Variants in NF1 observed in about 807,000 individuals in gnomAD.
NF1 encodes neurofibromin.
Under a neutral mutation model 325.7 loss-of-function variants are expected in NF1, and 122 were observed. The ratio of observed to expected loss-of-function variants is 0.37; its 90% confidence interval spans 0.32 to 0.44. NF1 has a LOEUF of 0.44. NF1 is among the 20% of genes least tolerant of loss of function. The pLI, the probability that NF1 is intolerant of heterozygous loss-of-function variation, is 1.00. For synonymous variants in NF1, 1,091 were observed against 1,186.0 expected, an observed-to-expected ratio of 0.92 and a Z score of 1.65; for missense variants, 2,140 against 3,415.4, an observed-to-expected ratio of 0.63 and a Z score of 9.31.
chr17:31,326,639 T>C (rs2069350659), intron 37 of NF1, among the ~76,000 whole-genome samples: 1 of 152,070 alleles, frequency 6.6e-6, no homozygotes, highest in Non-Finnish European at 1.5e-5. Flanking sequence ...AGAGGGACGC[T>C]CTGTCTCAAA....
At chr17:31,164,899 C>T (rs982924361) in intron 4 of NF1, among the ~76,000 whole-genome samples, 11 of 151,948 alleles carry the variant, frequency 7.2e-5, no homozygotes, top group African/African-American at 1.5e-4. Flanking sequence ...TGAGCAGTAA[C>T]GTTTTATATT....
rs1277611865 is a variant in NF1 at position 31,136,329 on chromosome 17, A to AG, written c.61-19654_61-19653insG. 3 of 32,016 alleles carry AG rather than the reference A, an allele frequency of 9.4e-5. No homozygotes were observed. In the East Asian group the frequency reaches 3.2e-3, roughly 34 times the overall value. The allele number at this position is 32,016 out of a possible 1,614,324, so 2.0% of individuals were successfully genotyped here. ...GGGTGAAAGAGCAAGACTCTGTCTCAAAAAAAAAAAAAAAAAAAAAGGAAA... is the reference window on the plus strand; with the variant it reads ...GGGTGAAAGAGCAAGACTCTGTCTCAGAAAAAAAAAAAAAAAAAAAAGGAAA... On this transcript the variant is annotated intron_variant, in intron 1 of 57. Transcript: ENST00000358273.
chr17:31,336,227 TA>T lies in NF1; in HGVS notation c.6007-102del. ...AATCTAGTATTTTTGAGGCCTCAGG[TA>T]AAATAGAATTTTCATATTGATTAGG... On this transcript the variant is annotated intron_variant, in intron 40 of 57. Transcript: ENST00000358273. The surrounding 1 kb of genome is among the most constrained non-coding windows in gnomAD (Gnocchi z 5.5). The T allele has an allele frequency of 8.0e-7, 1 of 1,255,276 alleles. No individual in the cohort carries two copies. 77.8% of individuals were successfully genotyped at this position (1,255,276 alleles called of 1,614,324 possible).
chr17:31,320,624 A>G, intron 36 of NF1: 1 of 470,854 alleles, frequency 2.1e-6, no homozygotes, highest in East Asian at 3.1e-5. Context: ...TATTAATAGT[A>G]GGGAGGAAAA....
intron 20 of NF1, among the ~76,000 whole-genome samples, chr17:31,228,324 A>C (rs1179052486): frequency 6.6e-6 from 1 of 152,180 alleles, no homozygotes; most frequent in African/African-American, 2.4e-5. Flanking sequence ...TGTTTTTGTC[A>C]TGCTTAATTA....
At chr17:31,266,588 C>T (rs1025328116) in intron 36 of NF1, among the ~76,000 whole-genome samples, 2 of 152,268 alleles carry the variant, frequency 1.3e-5, no homozygotes, top group East Asian at 3.9e-4. Context: ...TAACCCCAAC[C>T]TTTAATACAA....
At chr17:31,338,510 CTT>C (rs1356189128) in intron 45 of NF1, among the ~76,000 whole-genome samples, 192 bp from the exon 46 acceptor site, 1 of 152,072 alleles carries the variant, frequency 6.6e-6, no homozygotes, top group Non-Finnish European at 1.5e-5. Flanking sequence ...ATGTCTGACT[CTT>C]ATAATGTAGA....
intron 8 of NF1, among the ~76,000 whole-genome samples, chr17:31,184,801 A>G (rs1336109262): frequency 6.6e-6 from 1 of 152,182 alleles, no homozygotes; most frequent in East Asian, 1.9e-4. Flanking sequence ...AAAGAGCTGA[A>G]ATTGTGAAAA....
chr17:31,175,348 T>C (rs1336532538), intron 5 of NF1, among the ~76,000 whole-genome samples: 35 of 49,352 alleles, frequency 7.1e-4, no homozygotes, highest in Non-Finnish European at 2.6e-3. Flanking sequence ...GCTTTTGCTT[T>C]TTTTTTTTTT....
intron 36 of NF1, chr17:31,272,718 A>C (rs777667102): frequency 2.0e-5 from 3 of 152,232 alleles, no homozygotes; most frequent in Non-Finnish European, 4.4e-5. Context: ...GAATGTTAAC[A>C]AACATGAAGA....
intron 14 of NF1, among the ~76,000 whole-genome samples, chr17:31,221,601 T>G (rs561797140): frequency 3.5e-4 from 53 of 152,264 alleles, no homozygotes; most frequent in African/African-American, 1.2e-3. Context: ...AATTCATCAT[T>G]TAGCTTTATA....
intron 5 of NF1, among the ~76,000 whole-genome samples, chr17:31,177,415 G>A (rs2066043643): frequency 8.1e-6 from 1 of 122,878 alleles, no homozygotes; most frequent in South Asian, 2.7e-4. Flanking sequence ...AAAATGGGAA[G>A]AAACCAGTGC....
chr17:31,133,424 A>C (rs1215539043), intron 1 of NF1: 1 of 152,192 alleles, frequency 6.6e-6, no homozygotes, highest in Non-Finnish European at 1.5e-5. Context: ...GTTATTGTAA[A>C]TAATGCTGCC....
intron 36 of NF1, among the ~76,000 whole-genome samples, chr17:31,293,630 C>T (rs1017226093): frequency 2.0e-5 from 3 of 152,104 alleles, no homozygotes; most frequent in South Asian, 2.1e-4. Context: ...TGTTCCTAAA[C>T]CAGCAAAGGA....
chr17:31,108,749 A>G (rs1913124255), intron 1 of NF1, among the ~76,000 whole-genome samples: 1 of 152,210 alleles, frequency 6.6e-6, no homozygotes, highest in Admixed American at 6.5e-5. Flanking sequence ...GCTGTGTAAT[A>G]TAAAAACAAC....
intron 5 of NF1, among the ~76,000 whole-genome samples, chr17:31,179,894 G>A (rs1350914260): frequency 6.6e-6 from 1 of 151,750 alleles, no homozygotes; most frequent in Non-Finnish European, 1.5e-5. Context: ...TCAAATAGAC[G>A]CAATAAAAAA....
intron 1 of NF1, among the ~76,000 whole-genome samples, chr17:31,112,680 C>G (rs1913521057): frequency 6.6e-6 from 1 of 152,136 alleles, no homozygotes; most frequent in African/African-American, 2.4e-5. Flanking sequence ...ACAAGTTCAT[C>G]AGATAAATGA....
At chr17:31,204,338 T>TG (rs2066583109) in intron 11 of NF1, among the ~76,000 whole-genome samples, 1 of 152,120 alleles carries the variant, frequency 6.6e-6, no homozygotes, top group Non-Finnish European at 1.5e-5. Context: ...CCAAGGCATT[T>TG]GAAAATTATT....
chr17:31,227,212 G>C lies in NF1; in HGVS notation c.2252-6G>C, dbSNP rs2151426818. 6.2e-7 allele frequency: 1 copy of C among 1,613,534 alleles called. No homozygotes were observed. Among genetic ancestry groups the C allele is most frequent in the Non-Finnish European group, 8.5e-7 (1 of 1,179,586 alleles). ...AGTAACTTGATTTGCTGTTGTATTTGCTTAGGAAGAGCAGCACTTCAGAAA... is the reference window on the plus strand; with the variant it reads ...AGTAACTTGATTTGCTGTTGTATTTCCTTAGGAAGAGCAGCACTTCAGAAA... On this transcript the variant is annotated splice_polypyrimidine_tract_variant and splice_region_variant and intron_variant, in intron 18 of 57. Coordinates refer to ENST00000358273, the MANE Select transcript of NF1 (RefSeq NM_001042492.3).
Sources: allele counts gnomAD v4.1 joint callset (sites outside exome capture counted in the v4.1 genomes callset), GRCh38; gene constraint gnomAD v4.1.1; non-coding constraint Gnocchi (gnomAD v3.1); transcripts MANE v1.5; gene names NCBI Gene and HGNC (gene_info 2026-07-23, HGNC 2026-07-21).